The following PLEKHA6 variants were observed in gnomAD, a reference collection of about 807,000 sequenced individuals.
PLEKHA6 encodes pleckstrin homology domain containing A6, also known as pleckstrin homology domain-containing family A member 6.
A neutral mutation model predicts 116.7 loss-of-function variants in PLEKHA6; 60 were observed. That is an observed-to-expected ratio of 0.51 (90% confidence interval 0.42 to 0.64). PLEKHA6 has a LOEUF of 0.64. Among genes scored for constraint, PLEKHA6 ranks in the 30% least tolerant of loss-of-function variants. PLEKHA6 has a pLI of 0.00. For synonymous variants in PLEKHA6, 489 were observed against 556.1 expected (o/e 0.88, Z 1.70); for missense variants, 1,338 against 1,422.7 (o/e 0.94, Z 0.96).
rs4478872 is a variant in PLEKHA6, at chr1:204,277,838, A to G, written c.-94-3029T>C. 0.22 allele frequency: 33,844 copies of G among 152,158 alleles called. 3,973 individuals are homozygous for G. Among genetic ancestry groups the G allele is most frequent in the East Asian group, 0.3 (1,559 of 5,176 alleles). The allele number at this position is 152,158 out of a possible 1,614,324, so 9.4% of individuals were successfully genotyped here. Reference sequence around the variant, plus strand: ...GGGTTGCTTTCCCTCCCTGTGTGGCAGTCCTACCGATGAGAAGCAAGTCGA... The same window carrying G: ...GGGTTGCTTTCCCTCCCTGTGTGGCGGTCCTACCGATGAGAAGCAAGTCGA... On this transcript the variant is annotated intron_variant, in intron 1 of 22. Transcript: ENST00000272203. The surrounding 1 kb of genome is among the most constrained non-coding windows in gnomAD (Gnocchi z 4.1).
intron 1 of PLEKHA6, among the ~76,000 whole-genome samples, chr1:204,283,177 C>A (rs889683151): frequency 1.3e-5 from 2 of 152,076 alleles, no homozygotes; most frequent in African/African-American, 4.8e-5. Flanking sequence ...CGGAGAGCAG[C>A]GACCCCACCC....
chr1:204,301,695 G>T lies in PLEKHA6; in HGVS notation c.-94-26886C>A, dbSNP rs544820583. On this transcript the variant is annotated intron_variant, in intron 1 of 22. Coordinates refer to ENST00000272203, the MANE Select transcript of PLEKHA6 (RefSeq NM_014935.5). ...ATTGTGAGGGGGATGATGATGATGGGACATTAGGGTGAGAAACAAACATAT... is the reference window on the plus strand; with the variant it reads ...ATTGTGAGGGGGATGATGATGATGGTACATTAGGGTGAGAAACAAACATAT... 5.3e-5 allele frequency among the ~76,000 whole-genome samples: 8 copies of T among 152,306 alleles called. No homozygotes were observed. The East Asian group carries it at 1.5e-3, about 29-fold the overall frequency.
intron 1 of PLEKHA6, among the ~76,000 whole-genome samples, chr1:204,332,913 A>G (rs1192957123): frequency 1.3e-5 from 2 of 152,218 alleles, no homozygotes; most frequent in Non-Finnish European, 2.9e-5. Flanking sequence ...GAGTGTGCAT[A>G]GAAGGAAAAG....
In PLEKHA6 at chr1:204,255,507, T is replaced by G. The variant is rs116334864; in HGVS notation, c.1524+1846A>C. 1,048 of 643,288 alleles carry G rather than the reference T, an allele frequency of 1.6e-3. 7 individuals carry two copies. In the African/African-American group the frequency reaches 0.018, roughly 11 times the overall value. The allele number at this position is 643,288 out of a possible 1,614,324, so 39.8% of individuals were successfully genotyped here. A position where few individuals can be genotyped will look rare whatever the true frequency, so the allele number is the denominator to read the frequency against. On this transcript the variant is annotated intron_variant, in intron 9 of 22. Coordinates refer to ENST00000272203, the MANE Select transcript of PLEKHA6 (RefSeq NM_014935.5). ...CAAACCAAAACATAAGCCACTTTGT[T>G]GTGTCCTGCTTGCACCAACAAAGGT... is the stretch of plus-strand genomic sequence containing the variant.
At chr1:204,309,057 T>C (rs1434570592) in intron 1 of PLEKHA6, 1 of 975,932 alleles carries the variant, frequency 1.0e-6, no homozygotes, top group African/African-American at 1.7e-5. Context: ...ATGTTTCTCA[T>C]TCATTGTCTT....
intron 15 of PLEKHA6, among the ~76,000 whole-genome samples, chr1:204,244,306 A>AT (rs5780220): frequency 5.6e-4 from 79 of 141,340 alleles, no homozygotes; most frequent in South Asian, 1.6e-3. Context: ...TAATTTTTGT[A>AT]TTTTTTTTTT....
At chr1:204,354,887 G>C (rs1673374254) in intron 1 of PLEKHA6, among the ~76,000 whole-genome samples, 1 of 152,260 alleles carries the variant, frequency 6.6e-6, no homozygotes, top group African/African-American at 2.4e-5. Flanking sequence ...GGCGCGGACA[G>C]GGGCTGCAGG....
intron 1 of PLEKHA6, among the ~76,000 whole-genome samples, chr1:204,329,888 CAA>C (rs35574473): frequency 1.7e-4 from 20 of 118,342 alleles, no homozygotes; most frequent in African/African-American, 1.6e-4. Flanking sequence ...GACCCTGTCT[CAA>C]AAAAAAAAAA....
chr1:204,230,124 G>A (rs1660954698), intron 18 of PLEKHA6, among the ~76,000 whole-genome samples: 1 of 152,244 alleles, frequency 6.6e-6, no homozygotes. Flanking sequence ...TCTGTGTGGT[G>A]AATTCTGTAC....
At chr1:204,275,372 T>C (rs1165880597) in intron 1 of PLEKHA6, among the ~76,000 whole-genome samples, 1 of 152,206 alleles carries the variant, frequency 6.6e-6, no homozygotes, top group Non-Finnish European at 1.5e-5. Context: ...CAGGGTCTCC[T>C]GTCTAAGGGC....
In PLEKHA6 at chr1:204,261,299, C is replaced by T; in HGVS notation, c.524+7G>A. 6.2e-7 allele frequency: 1 copy of T among 1,614,214 alleles called. No individual in the cohort carries two copies. The highest frequency in any genetic ancestry group is 1.3e-5 in the African/African-American group (1 of 75,072). On this transcript the variant is annotated splice_region_variant and intron_variant, in intron 7 of 22. Transcript: ENST00000272203. This position sits in a 1 kb window ranked among gnomAD's most constrained non-coding sequence, Gnocchi z 4.0. Reference sequence around the variant, plus strand: ...TGCACCCCCACACTCAATTCCCTGGCACTCACCTGTGCCGCACAGCTTGGG... The same window carrying T: ...TGCACCCCCACACTCAATTCCCTGGTACTCACCTGTGCCGCACAGCTTGGG...
At chr1:204,253,854 AAAC>A (rs1456162724) in intron 9 of PLEKHA6, among the ~76,000 whole-genome samples, 81 of 150,902 alleles carry the variant, frequency 5.4e-4, no homozygotes, top group East Asian at 2.9e-3. Context: ...AAAAAAACAA[AAAC>A]AAAAACAAAC....
intron 17 of PLEKHA6, among the ~76,000 whole-genome samples, chr1:204,240,822 T>C (rs1662704161): frequency 6.6e-6 from 1 of 152,220 alleles, no homozygotes; most frequent in South Asian, 2.1e-4. Context: ...TGTGAGGGTG[T>C]TGCCAAAACA....
chr1:204,327,564 C>G (rs557639308), intron 1 of PLEKHA6, among the ~76,000 whole-genome samples: 2 of 152,392 alleles, frequency 1.3e-5, no homozygotes, highest in South Asian at 4.1e-4. Context: ...AGCAGACTTC[C>G]TCATCTGTCC....
exon 2 of PLEKHA6, chr1:204,371,577 T>G (rs1182911577): frequency 1.3e-5 from 2 of 152,240 alleles, no homozygotes; most frequent in Non-Finnish European, 2.9e-5. Flanking sequence ...TGTTCCAGGG[T>G]GCACCCAGCT....
chr1:204,308,567 T>G (rs1671494634), intron 1 of PLEKHA6, among the ~76,000 whole-genome samples: 1 of 151,808 alleles, frequency 6.6e-6, no homozygotes, highest in Non-Finnish European at 1.5e-5. Flanking sequence ...CCCATCTGAG[T>G]CACAGTAAAT....
At chr1:204,307,805 C>G (rs1165108221) in intron 1 of PLEKHA6, 1 of 931,980 alleles carries the variant, frequency 1.1e-6, no homozygotes, top group East Asian at 1.2e-4. Flanking sequence ...TGGGAGAGAG[C>G]CCTGCCAGGT....
rs115136963 is a variant in PLEKHA6 at position 204,345,923 on chromosome 1, C to G, written c.-95+13771G>C. 8.8e-3 allele frequency among the ~76,000 whole-genome samples: 1,345 copies of G among 152,354 alleles called. 22 individuals are homozygous for G. The highest frequency in any genetic ancestry group is 0.031 in the African/African-American group (1,286 of 41,574). On this transcript the variant is annotated intron_variant, in intron 1 of 22. Coordinates refer to ENST00000272203, the MANE Select transcript of PLEKHA6 (RefSeq NM_014935.5). The stretch of plus-strand genomic sequence containing the variant: ...TGAACACACACAAGAAAAGTGACCC[C>G]TGTTACAGGGATAGCAAGGAAGAGC...
intron 18 of PLEKHA6, among the ~76,000 whole-genome samples, chr1:204,229,462 G>A (rs1660855449): frequency 6.6e-6 from 1 of 152,164 alleles, no homozygotes; most frequent in Non-Finnish European, 1.5e-5. Flanking sequence ...CACTCTAGCT[G>A]GAGTACAGTC....
Sources: gnomAD v4.1 joint callset for allele counts (sites outside exome capture counted in the v4.1 genomes callset) on GRCh38, gnomAD v4.1.1 for gene constraint, Gnocchi (gnomAD v3.1) non-coding constraint, MANE v1.5 for transcripts, NCBI Gene and HGNC (gene_info 2026-07-23, HGNC 2026-07-21) for gene names.